The following AFF3 variants were observed in gnomAD, a reference collection of about 807,000 sequenced individuals.
AFF3 encodes ALF transcription elongation factor 3, also known as AF4/FMR2 family member 3.
A neutral mutation model predicts 129.7 loss-of-function variants in AFF3; 32 were observed. The observed-to-expected ratio is 0.25, with a 90% CI of 0.19 to 0.33. The LOEUF is 0.33. Among genes scored for constraint, AFF3 ranks in the 10% least tolerant of loss-of-function variants. The probability of loss-of-function intolerance (pLI) is 1.00; values close to 1 mark genes in which losing one functional copy is unlikely to be tolerated. For synonymous variants in AFF3, 644 were observed against 635.4 expected (o/e 1.01, Z -0.20); for missense variants, 1,373 against 1,592.0 (o/e 0.86, Z 2.34).
intron 7 of AFF3, among the ~76,000 whole-genome samples, chr2:99,963,088 G>A (rs868300941): frequency 6.6e-6 from 1 of 151,986 alleles, no homozygotes; most frequent in Non-Finnish European, 1.5e-5. Context: ...CAATTCATAT[G>A]ATAGTAGATT....
At chr2:99,783,262 C>T (rs1276880957) in intron 8 of AFF3, among the ~76,000 whole-genome samples, 1 of 152,204 alleles carries the variant, frequency 6.6e-6, no homozygotes, top group Non-Finnish European at 1.5e-5. Context: ...TATCCTCCTC[C>T]AAACTTGAGG....
At chr2:99,738,650 G>A (rs62150080) in intron 10 of AFF3, among the ~76,000 whole-genome samples, 3 of 152,044 alleles carry the variant, frequency 2.0e-5, no homozygotes, top group South Asian at 2.1e-4. Context: ...GGTAGTTGGC[G>A]TGGCTTTCCT....
At chr2:100,128,398 T>C (rs1226111292) in intron 2 of AFF3, among the ~76,000 whole-genome samples, 1 of 152,188 alleles carries the variant, frequency 6.6e-6, no homozygotes, top group African/African-American at 2.4e-5. Context: ...GTTCTCTCTC[T>C]TTCCTCTAGC....
intron 10 of AFF3, among the ~76,000 whole-genome samples, chr2:99,733,832 C>T (rs1680035312): frequency 6.6e-6 from 1 of 152,142 alleles, no homozygotes. Flanking sequence ...CATTACTTAG[C>T]TTTAATATAT....
chr2:99,758,585 C>CAAAAA (rs5832882), intron 8 of AFF3, among the ~76,000 whole-genome samples: 3 of 103,204 alleles, frequency 2.9e-5, no homozygotes, highest in African/African-American at 7.3e-5. Flanking sequence ...GACTCCATCT[C>CAAAAA]AAAAAAAAAA....
In AFF3 at chr2:99,737,915, G is replaced by A. The variant is rs114159071; in HGVS notation, c.1039+6189C>T. Among the ~76,000 whole-genome samples, 796 of 150,804 alleles carry A rather than the reference G, an allele frequency of 5.3e-3. 13 individuals are homozygous for A. Among genetic ancestry groups the A allele is most frequent in the African/African-American group, 0.019 (760 of 40,978 alleles). On this transcript the variant is annotated intron_variant, in intron 10 of 24. Coordinates refer to ENST00000672756, the MANE Select transcript of AFF3 (RefSeq NM_001386135.1). ...AATTCATTAATTCTTTCTCAGCTAT[G>A]TCTAATGTGCTGTTACATCTGCCCA...
intron 2 of AFF3, among the ~76,000 whole-genome samples, chr2:100,122,348 T>G (rs1692014734): frequency 6.6e-6 from 1 of 152,244 alleles, no homozygotes; most frequent in Non-Finnish European, 1.5e-5. Context: ...TCAGAAACTT[T>G]ATTTCAAATT....
intron 7 of AFF3, among the ~76,000 whole-genome samples, chr2:99,852,620 T>C (rs1231185212): frequency 6.6e-6 from 1 of 152,162 alleles, no homozygotes; most frequent in Non-Finnish European, 1.5e-5. Flanking sequence ...GCAAAACCCG[T>C]AGGGCCTACC....
intron 7 of AFF3, among the ~76,000 whole-genome samples, chr2:99,974,433 A>C (rs759601996): frequency 1.9e-4 from 29 of 152,194 alleles, no homozygotes; most frequent in Non-Finnish European, 3.8e-4. Context: ...TCTGACACTG[A>C]CTGCATGACA....
At chr2:99,553,543 T>C (rs751110524) in intron 24 of AFF3, among the ~76,000 whole-genome samples, 7 of 152,184 alleles carry the variant, frequency 4.6e-5, no homozygotes, top group African/African-American at 7.2e-5. Flanking sequence ...TGTTGATATA[T>C]ATAACAATAT....
Position 100,007,217 on chromosome 2 carries a change from G to A in AFF3, c.418C>T (p.Gln140Ter). 1 of 1,614,126 alleles carries A rather than the reference G, an allele frequency of 6.2e-7. No individual in the cohort carries two copies. Among genetic ancestry groups the A allele is most frequent in the Non-Finnish European group, 8.5e-7 (1 of 1,180,022 alleles). Residue 140 changes from glutamine to a stop codon, truncating the protein, a stop_gained, in exon 6 of 25, where the codon CAG becomes TAG. Coordinates refer to ENST00000672756, the MANE Select transcript of AFF3 (RefSeq NM_001386135.1). LOFTEE classifies it high-confidence loss of function. ...TSTPAAVPVQ[Q>*]SKRGTMGWQK... ...CAGCCCATAGTGCCTCTCTTACTCT[G>A]CTGCACGGGGACAGCTGCTGGTGTG...
intron 9 of AFF3, among the ~76,000 whole-genome samples, chr2:99,750,979 C>G (rs149258792): frequency 6.6e-6 from 1 of 152,266 alleles, no homozygotes; most frequent in Non-Finnish European, 1.5e-5. Context: ...TCTTCAAATA[C>G]GTTTTATTGT....
chr2:99,592,409 C>G (rs1177595625), intron 15 of AFF3, among the ~76,000 whole-genome samples: 1 of 152,182 alleles, frequency 6.6e-6, no homozygotes, highest in African/African-American at 2.4e-5. Flanking sequence ...TCAGGGTCTG[C>G]CGTATTCATT....
chr2:99,897,365 A>G (rs1558956559), intron 7 of AFF3, among the ~76,000 whole-genome samples: 1 of 152,082 alleles, frequency 6.6e-6, no homozygotes, highest in Non-Finnish European at 1.5e-5. Context: ...CTCCCCCTAA[A>G]ACATCATTCC....
intron 11 of AFF3, among the ~76,000 whole-genome samples, chr2:99,718,450 T>C (rs1433537401): frequency 6.6e-6 from 1 of 152,242 alleles, no homozygotes; most frequent in Admixed American, 6.5e-5. Flanking sequence ...CATTTTCCAA[T>C]TGTTTATTGT....
At chr2:100,029,380 C>T (rs1559070874) in intron 4 of AFF3, among the ~76,000 whole-genome samples, 1 of 152,150 alleles carries the variant, frequency 6.6e-6, no homozygotes, top group Non-Finnish European at 1.5e-5. Flanking sequence ...GGACAGAGGC[C>T]TCAGAGAAAA....
intron 7 of AFF3, among the ~76,000 whole-genome samples, chr2:99,991,614 C>T (rs1246122976): frequency 1.3e-5 from 2 of 151,990 alleles, no homozygotes; most frequent in African/African-American, 4.8e-5. Flanking sequence ...AACCTTATCA[C>T]AAAATGGGCC....
intron 8 of AFF3, among the ~76,000 whole-genome samples, chr2:99,770,086 C>T (rs749687961): frequency 2.6e-5 from 4 of 152,186 alleles, no homozygotes; most frequent in Middle Eastern, 3.2e-3. Context: ...CAGCGAGTTC[C>T]CCCAGCTGGG....
rs948467782 is a variant in AFF3, at chr2:99,548,697, C to T, written c.*2777G>A. ...GTTTGAGGCTGCAGGGAGCCATGAT[C>T]GCGCCACCGCATTCCAGCTTGGGCT... On this transcript the variant is annotated 3_prime_UTR_variant, in exon 25 of 25. Transcript: ENST00000672756. 7.1e-5 allele frequency: 16 copies of T among 225,166 alleles called. No individual in the cohort carries two copies. The highest frequency in any genetic ancestry group is 2.5e-4 in the African/African-American group (11 of 44,880). The allele number at this position is 225,166 out of a possible 1,614,324, so 13.9% of individuals were successfully genotyped here. A position where few individuals can be genotyped will look rare whatever the true frequency, so the allele number is the denominator to read the frequency against.
Sources: allele counts gnomAD v4.1 joint callset (sites outside exome capture counted in the v4.1 genomes callset), GRCh38; gene constraint gnomAD v4.1.1; transcripts MANE v1.5; gene names NCBI Gene and HGNC (gene_info 2026-07-23, HGNC 2026-07-21).